Variants in DAP3 observed in about 807,000 individuals in gnomAD.
The protein encoded by DAP3 is small ribosomal subunit protein mS29.
DAP3 carries 28 observed loss-of-function variants against 51.9 expected under a neutral mutation model. The ratio of observed to expected loss-of-function variants is 0.54; its 90% confidence interval spans 0.40 to 0.74. The LOEUF (loss-of-function observed/expected upper bound fraction) is 0.74, where lower values mean the gene tolerates loss of function less well. DAP3 is among the 30% of genes least tolerant of loss of function. The probability of loss-of-function intolerance (pLI) is 0.00; values close to 1 mark genes in which losing one functional copy is unlikely to be tolerated. For synonymous variants in DAP3, 170 were observed against 170.3 expected (o/e 1.00, Z 0.01); for missense variants, 458 against 483.5 (o/e 0.95, Z 0.49).
intron 5 of DAP3, 74 bp downstream of exon 5, chr1:155,725,564 A>T: frequency 7.1e-7 from 1 of 1,415,682 alleles, no homozygotes; most frequent in Non-Finnish European, 1.0e-6. Context: ...AGAAGAAATG[A>T]AAAAAAGTAC....
chr1:155,689,003 G>T, upstream of DAP3: 1 of 1,597,122 alleles, frequency 6.3e-7, no homozygotes, highest in Non-Finnish European at 8.5e-7. Flanking sequence ...GATCGAGGGC[G>T]GCCTAGCGCC....
intron 2 of DAP3, among the ~76,000 whole-genome samples, chr1:155,712,630 A>G (rs1458381689): frequency 6.6e-6 from 1 of 151,790 alleles, no homozygotes; most frequent in Non-Finnish European, 1.5e-5. Flanking sequence ...AAAAAAAAAA[A>G]AAAAAGATTC....
At chr1:155,714,474 T>G (rs1197979941) in intron 2 of DAP3, among the ~76,000 whole-genome samples, 1 of 152,138 alleles carries the variant, frequency 6.6e-6, no homozygotes, top group Non-Finnish European at 1.5e-5. Context: ...AGTTAAAATG[T>G]TATGTGTTGG....
upstream of DAP3, chr1:155,687,992 A>C (rs1284419190): frequency 4.9e-6 from 7 of 1,442,526 alleles, no homozygotes; most frequent in Middle Eastern, 1.8e-4. Context: ...GGGAGATGAC[A>C]GTGGCTCCCA....
intron 1 of DAP3, among the ~76,000 whole-genome samples, chr1:155,692,427 G>A (rs1653951192): frequency 7.1e-6 from 1 of 141,410 alleles, no homozygotes; most frequent in Non-Finnish European, 1.5e-5. Flanking sequence ...CTTGTTCCTG[G>A]TGTCTGGTCT....
chr1:155,698,281 G>A (rs1558336740), intron 1 of DAP3, among the ~76,000 whole-genome samples: 1 of 152,194 alleles, frequency 6.6e-6, no homozygotes, highest in Non-Finnish European at 1.5e-5. Flanking sequence ...GGTGATAAAT[G>A]TCCATGAAAT....
At chr1:155,714,801 A>G (rs567236588) in intron 2 of DAP3, among the ~76,000 whole-genome samples, 1 of 152,232 alleles carries the variant, frequency 6.6e-6, no homozygotes, top group South Asian at 2.1e-4. Flanking sequence ...CTGTCTCTCA[A>G]CCTGTGTAGT....
intron 1 of DAP3, among the ~76,000 whole-genome samples, chr1:155,696,920 G>A (rs945686827): frequency 1.3e-5 from 2 of 152,196 alleles, no homozygotes; most frequent in African/African-American, 4.8e-5. Flanking sequence ...TCTTTAGGGA[G>A]CATGGTGGGG....
chr1:155,735,108 G>GA (rs1344051039), intron 11 of DAP3, among the ~76,000 whole-genome samples: 3,121 of 67,414 alleles, frequency 0.046, 37 homozygotes, highest in Non-Finnish European at 0.062. Flanking sequence ...ACCAAAAAAT[G>GA]AAAAAAAAAA....
At position 155,730,676 on chromosome 1, in the gene DAP3, CAA is replaced by C. The variant is rs1455151675; in HGVS notation, c.844-679_844-678del. ...ATGGAATCAGAGGAGGAGGTAATGCCAAGAGTTCCACTATTCATTGAAAACTA... is the reference window on the plus strand; with the variant it reads ...ATGGAATCAGAGGAGGAGGTAATGCCGAGTTCCACTATTCATTGAAAACTA... On this transcript the variant is annotated intron_variant, in intron 9 of 12. Transcript: ENST00000368336. 3.3e-5 allele frequency among the ~76,000 whole-genome samples: 5 copies of C among 151,986 alleles called. No individual in the cohort carries two copies. In the East Asian group the frequency reaches 7.7e-4, roughly 23 times the overall value.
chr1:155,708,853 C>T (rs913540664), intron 1 of DAP3, among the ~76,000 whole-genome samples: 5 of 151,800 alleles, frequency 3.3e-5, no homozygotes, highest in Admixed American at 6.6e-5. Flanking sequence ...TACAGGCGCC[C>T]ACCACCACAC....
chr1:155,712,513 G>A (rs1329255621), intron 2 of DAP3, among the ~76,000 whole-genome samples: 1 of 149,682 alleles, frequency 6.7e-6, no homozygotes, highest in African/African-American at 2.5e-5. Flanking sequence ...TCGGGAGGCT[G>A]AGGCAGCAGA....
chr1:155,688,987 C>T (rs771702169), upstream of DAP3: 3 of 1,602,670 alleles, frequency 1.9e-6, no homozygotes, highest in Non-Finnish European at 2.6e-6. Context: ...GGGACCGCGG[C>T]GAGGGGATCG....
upstream of DAP3, chr1:155,688,157 G>A (rs1652825622): frequency 6.2e-7 from 1 of 1,613,974 alleles, no homozygotes; most frequent in Non-Finnish European, 8.5e-7. Flanking sequence ...TGGGTCCACC[G>A]CGGATCCCTC....
chr1:155,697,775 G>A (rs991667411), intron 1 of DAP3, among the ~76,000 whole-genome samples: 7 of 152,116 alleles, frequency 4.6e-5, no homozygotes, highest in African/African-American at 1.7e-4. Context: ...GCAGACAACC[G>A]ATCTGACTAG....
intron 1 of DAP3, among the ~76,000 whole-genome samples, chr1:155,702,669 T>C (rs1655459790): frequency 1.3e-5 from 2 of 151,800 alleles, no homozygotes; most frequent in East Asian, 2.0e-4. Context: ...TTGGCATCCA[T>C]GTTGAAAATC....
At chr1:155,712,144 G>A (rs981072291) in intron 2 of DAP3, among the ~76,000 whole-genome samples, 3 of 152,048 alleles carry the variant, frequency 2.0e-5, no homozygotes, top group Admixed American at 6.6e-5. Context: ...TCAAGTTGAC[G>A]CTTAATATTA....
chr1:155,720,755 T>C (rs1657896561), intron 3 of DAP3, among the ~76,000 whole-genome samples: 1 of 147,812 alleles, frequency 6.8e-6, no homozygotes, highest in Non-Finnish European at 1.5e-5. Flanking sequence ...AAGACAAGGC[T>C]GGGCTAGGCG....
intron 2 of DAP3, among the ~76,000 whole-genome samples, chr1:155,712,545 G>A (rs1656840010): frequency 7.0e-6 from 1 of 143,074 alleles, no homozygotes; most frequent in South Asian, 2.2e-4. Flanking sequence ...CTGGGAGACA[G>A]AGGTTGCAGT....
Sources: gnomAD v4.1 joint callset for allele counts (sites outside exome capture counted in the v4.1 genomes callset) on GRCh38, gnomAD v4.1.1 for gene constraint, MANE v1.5 for transcripts, NCBI Gene and HGNC (gene_info 2026-07-23, HGNC 2026-07-21) for gene names.